The following FAM180A variants were observed in gnomAD, a reference collection of about 807,000 sequenced individuals.
FAM180A encodes the protein family with sequence similarity 180 member A, also known as protein FAM180A.
Under a neutral mutation model 15.3 loss-of-function variants are expected in FAM180A, and 14 were observed. The observed-to-expected ratio is 0.92, with a 90% CI of 0.61 to 1.43. The LOEUF (loss-of-function observed/expected upper bound fraction) is 1.43. FAM180A is among the 40% of genes most tolerant of loss of function. The probability of loss-of-function intolerance (pLI) is 0.00; values close to 1 mark genes in which losing one functional copy is unlikely to be tolerated. For missense variants in FAM180A, 200 were observed against 220.8 expected, an observed-to-expected ratio of 0.91 and a Z score of 0.60; for synonymous variants, 90 against 96.8, an observed-to-expected ratio of 0.93 and a Z score of 0.41.
In FAM180A at chr7:135,734,173, G is replaced by T. The variant is rs138966567; in HGVS notation, c.324C>A (p.Ser108Arg). The T allele has an allele frequency of 7.7e-5, 125 of 1,614,186 alleles. No individual in the cohort carries two copies. The African/African-American group carries it at 1.4e-3, about 18-fold the overall frequency. Residue 108 changes from serine (S) to arginine (R), a missense_variant, in exon 3 of 4, where the codon AGC becomes AGA. Physicochemically the swap from Ser to Arg is moderately radical, Grantham distance 110 (BLOSUM62 -1). Coordinates refer to ENST00000338588, the MANE Select transcript of FAM180A (RefSeq NM_205855.4). The part of the protein sequence containing the change: ...PKSIPDIRRL[S>R]ASLSSHPGIL... ...TGCCAGGGTGGCTGGAGAGGCTGGC[G>T]CTGAGCCGGCGGATGTCTGGGATGC...
At position 135,734,136 on chromosome 7, in the gene FAM180A, C is replaced by T. The variant is rs769136303; in HGVS notation, c.361G>A (p.Glu121Lys). ...GTCAGCACTGTCCTTTCAAAGTCTT[C>T]TTTCTTGAGGATGCCAGGGTGGCTG... ...LSSHPGILKK[E>K]DFERTVLTLA... Residue 121 changes from glutamate (E) to lysine (K), a missense_variant, in exon 3 of 4, where the codon GAA becomes AAA. Physicochemically the swap from Glu to Lys is moderately conservative, Grantham distance 56 (BLOSUM62 1). Transcript: ENST00000338588. The T allele has an allele frequency of 3.3e-5, 54 of 1,614,070 alleles. No homozygotes were observed. Among genetic ancestry groups the T allele is most frequent in the Non-Finnish European group, 4.2e-5 (50 of 1,180,050 alleles).
Position 135,744,921 on chromosome 7 carries a change from G to A in FAM180A, c.76+3584C>T, listed in dbSNP as rs542599256. ...AAACAATTTTCTTTTTGGATACAGGGTCTTGCTCCATCATCCAGGCTGGAG... is the reference window on the plus strand; with the variant it reads ...AAACAATTTTCTTTTTGGATACAGGATCTTGCTCCATCATCCAGGCTGGAG... On this transcript the variant is annotated intron_variant, in intron 1 of 3. Transcript: ENST00000338588. 3.9e-5 allele frequency among the ~76,000 whole-genome samples: 6 copies of A among 152,238 alleles called. No homozygotes were observed. In the South Asian group the frequency reaches 1.2e-3, roughly 32 times the overall value.
chr7:135,731,341 C>T (rs184651470), intron 3 of FAM180A, among the ~76,000 whole-genome samples: 26 of 152,114 alleles, frequency 1.7e-4, no homozygotes, highest in East Asian at 3.9e-4. Flanking sequence ...CCGATCCCAA[C>T]GCTGTCTGTA....
intron 1 of FAM180A, among the ~76,000 whole-genome samples, chr7:135,738,675 T>C (rs1426468761): frequency 6.6e-6 from 1 of 152,144 alleles, no homozygotes; most frequent in Non-Finnish European, 1.5e-5. Flanking sequence ...TCAGAGGGTA[T>C]AGGAATGATC....
chr7:135,731,233 G>A (rs916368012), intron 3 of FAM180A, among the ~76,000 whole-genome samples: 1 of 152,100 alleles, frequency 6.6e-6, no homozygotes, highest in African/African-American at 2.4e-5. Context: ...GTATTGCACA[G>A]TGTCTAGGGA....
At chr7:135,740,302 G>A (rs1226113934) in intron 1 of FAM180A, among the ~76,000 whole-genome samples, 2 of 152,206 alleles carry the variant, frequency 1.3e-5, no homozygotes, top group Admixed American at 1.3e-4. Flanking sequence ...ATTTTGTAAA[G>A]CTTCCTAAGT....
chr7:135,737,272 G>T, intron 1 of FAM180A, 73 bp from the exon 2 acceptor site: 1 of 1,197,958 alleles, frequency 8.3e-7, no homozygotes, highest in Non-Finnish European at 1.2e-6. Context: ...CCACCTTGAA[G>T]GTAGTCAAGG....
Position 135,737,176 on chromosome 7 carries a change from G to T in FAM180A, c.100C>A (p.Arg34=), listed in dbSNP as rs751211159. 3 of 1,607,056 alleles carry T rather than the reference G, an allele frequency of 1.9e-6. No individual in the cohort carries two copies. In the South Asian group the frequency reaches 3.3e-5, roughly 18 times the overall value. The change falls in exon 2 of 4, where the codon CGG becomes AGG. Residue 34 remains arginine (R), a synonymous_variant. Coordinates refer to ENST00000338588, the MANE Select transcript of FAM180A (RefSeq NM_205855.4). ...GGCAGTGATGAGGACCTCTTTGGCC[G>T]GTGGGCGGCAGGGAAGAGCACAGCT... ...SRAVLFPAAH[R]PKRSSSLPLN... is the part of the protein sequence containing the mutation.
At chr7:135,743,482 G>T (rs1796986566) in intron 1 of FAM180A, among the ~76,000 whole-genome samples, 1 of 152,164 alleles carries the variant, frequency 6.6e-6, no homozygotes, top group South Asian at 2.1e-4. Flanking sequence ...CTCTGAAAGT[G>T]CTGGGATTAC....
chr7:135,745,425 G>A (rs1797017770), intron 1 of FAM180A, among the ~76,000 whole-genome samples: 1 of 152,116 alleles, frequency 6.6e-6, no homozygotes, highest in Non-Finnish European at 1.5e-5. Flanking sequence ...CCCCCTTCCA[G>A]TGGTGCCCTG....
At chr7:135,747,564 C>T (rs913351520) in intron 1 of FAM180A, among the ~76,000 whole-genome samples, 1 of 152,090 alleles carries the variant, frequency 6.6e-6, no homozygotes, top group South Asian at 2.1e-4. Flanking sequence ...CCCACTCCGG[C>T]CACTCCTTCC....
intron 1 of FAM180A, among the ~76,000 whole-genome samples, chr7:135,743,548 A>G (rs1796987465): frequency 1.3e-5 from 2 of 152,056 alleles, no homozygotes; most frequent in Admixed American, 6.5e-5. Flanking sequence ...GCTTGGCAAA[A>G]GCACAGTCCA....
At chr7:135,736,263 C>T (rs774691408) in intron 2 of FAM180A, among the ~76,000 whole-genome samples, 2 of 152,224 alleles carry the variant, frequency 1.3e-5, no homozygotes, top group African/African-American at 4.8e-5. Flanking sequence ...CCTTGTGATC[C>T]GCCCGCCTTG....
chr7:135,748,766 A>G lies in FAM180A; in HGVS notation c.-186T>C, dbSNP rs1797066937. ...CTGAAGGCTGCGTCCTGGGTGGGAC[A>G]GGAGTCGGTACCTCTCTTCATTTGA... On this transcript the variant is annotated 5_prime_UTR_variant, in exon 1 of 4. Transcript: ENST00000338588. 2 of 598,566 alleles carry G rather than the reference A, an allele frequency of 3.3e-6. No homozygotes were observed. Among genetic ancestry groups the G allele is most frequent in the Non-Finnish European group, 3.0e-6 (1 of 336,092 alleles). 37.1% of individuals were successfully genotyped at this position (598,566 alleles called of 1,614,324 possible).
chr7:135,735,992 C>T (rs565500344), intron 2 of FAM180A, among the ~76,000 whole-genome samples: 102 of 151,212 alleles, frequency 6.7e-4, no homozygotes, highest in African/African-American at 2.2e-3. Context: ...CATGAGCCGC[C>T]GCACCTGGCC....
rs1796759992 is a variant in FAM180A at position 135,730,093 on chromosome 7, T to G, written c.*518A>C. On this transcript the variant is annotated 3_prime_UTR_variant, in exon 4 of 4. Transcript: ENST00000338588. ...AAGTCATTTAACAAGCATTTGATTT[T>G]AGACCATTGGACCTGCAGAAATACT... 3 of 985,434 alleles carry G rather than the reference T, an allele frequency of 3.0e-6. No homozygotes were observed. Among genetic ancestry groups the G allele is most frequent in the Non-Finnish European group, 3.6e-6 (3 of 829,928 alleles). The allele number at this position is 985,434 out of a possible 1,614,324, so 61.0% of individuals were successfully genotyped here.
intron 1 of FAM180A, among the ~76,000 whole-genome samples, chr7:135,746,822 AG>A (rs1797038323): frequency 6.6e-6 from 1 of 152,212 alleles, no homozygotes; most frequent in African/African-American, 2.4e-5. Context: ...AAAGAGGGCC[AG>A]GCACTATGGC....
In FAM180A at chr7:135,731,520, C is replaced by A. The variant is rs1265113039; in HGVS notation, c.*330-1239G>T. Among the ~76,000 whole-genome samples, 22 of 151,568 alleles carry A rather than the reference C, an allele frequency of 1.5e-4. No homozygotes were observed. In the Admixed American group the frequency reaches 1.5e-3, roughly 10 times the overall value. On this transcript the variant is annotated intron_variant, in intron 3 of 3. Transcript: ENST00000338588. The stretch of plus-strand genomic sequence containing the variant: ...GGAATTGGGCCCAAATATACAGCAG[C>A]AGAGATACCAACTAAAATAAAAGAA...
In FAM180A at chr7:135,729,603, A is replaced by G; in HGVS notation, c.*1008T>C. ...TGAGATAACAAAGATTCCAGTGAGC[A>G]ACTCAATCATGACATCTTTATTATA... On this transcript the variant is annotated 3_prime_UTR_variant, in exon 4 of 4. Coordinates refer to ENST00000338588, the MANE Select transcript of FAM180A (RefSeq NM_205855.4). The G allele has an allele frequency of 1.0e-6, 1 of 984,888 alleles. No homozygotes were observed. The highest frequency in any genetic ancestry group is 1.2e-6 in the Non-Finnish European group (1 of 829,424). 61.0% of individuals were successfully genotyped at this position (984,888 alleles called of 1,614,324 possible).
Sources: allele counts gnomAD v4.1 joint callset (sites outside exome capture counted in the v4.1 genomes callset), GRCh38; gene constraint gnomAD v4.1.1; transcripts MANE v1.5; gene names NCBI Gene and HGNC (gene_info 2026-07-23, HGNC 2026-07-21).